Variants in ASTN1 observed in about 807,000 individuals in gnomAD.
ASTN1 encodes astrotactin-1.
ASTN1 carries 41 observed loss-of-function variants against 140.7 expected under a neutral mutation model. The ratio of observed to expected loss-of-function variants is 0.29; its 90% CI spans 0.23 to 0.38. ASTN1 has a LOEUF of 0.38. Among genes scored for constraint, ASTN1 ranks in the 10% least tolerant of loss-of-function variants. ASTN1 has a pLI of 1.00. For synonymous variants in ASTN1, 640 were observed against 652.2 expected (o/e 0.98, Z 0.29); for missense variants, 1,479 against 1,678.8 (o/e 0.88, Z 2.08).
At chr1:177,086,871 A>G (rs750442173) in intron 1 of ASTN1, among the ~76,000 whole-genome samples, 5 of 152,200 alleles carry the variant, frequency 3.3e-5, no homozygotes, top group Non-Finnish European at 4.4e-5. Flanking sequence ...TTTAATTTTG[A>G]GAATATACAT....
chr1:176,906,612 A>G (rs539720963), intron 16 of ASTN1, among the ~76,000 whole-genome samples: 1 of 152,112 alleles, frequency 6.6e-6, no homozygotes, highest in South Asian at 2.1e-4. Context: ...CTAGCACTTT[A>G]GGAGGCTGAG....
In ASTN1 at chr1:176,936,378, C is replaced by T. The variant is rs1671448524; in HGVS notation, c.2378-8G>A. 1.9e-6 allele frequency: 3 copies of T among 1,607,894 alleles called. No homozygotes were observed. Among genetic ancestry groups the T allele is most frequent in the Non-Finnish European group, 8.5e-7 (1 of 1,177,042 alleles). On this transcript the variant is annotated splice_region_variant and splice_polypyrimidine_tract_variant and intron_variant, in intron 14 of 22. Coordinates refer to ENST00000361833, the MANE Select transcript of ASTN1 (RefSeq NM_004319.3). The stretch of plus-strand genomic sequence containing the variant: ...CACTGAAGTTCACCATCCCTAAGGA[C>T]AGAAGAGATGTAAGCTGAGTTCTGA...
chr1:177,074,837 T>A (rs925799081), intron 1 of ASTN1, among the ~76,000 whole-genome samples: 8 of 152,246 alleles, frequency 5.3e-5, no homozygotes, highest in Admixed American at 2.0e-4. Flanking sequence ...AGAGGTAACA[T>A]GCTTGTTGAA....
chr1:177,036,832 T>G (rs1357844408), intron 2 of ASTN1, among the ~76,000 whole-genome samples: 1 of 152,140 alleles, frequency 6.6e-6, no homozygotes, highest in Non-Finnish European at 1.5e-5. Context: ...CTTTTTTTCT[T>G]TTTTTGAGAC....
chr1:177,164,640 A>G lies in ASTN1; in HGVS notation c.37T>C (p.Cys13Arg). The change falls in exon 1 of 23, where the codon TGC (cysteine) becomes CGC (arginine). Residue 13 changes from cysteine (C) to arginine (R), a missense_variant. Physicochemically the swap from Cys to Arg is radical, Grantham distance 180. This residue lies in a region of ASTN1 where 729 missense variants were observed against 860.4 expected (regional missense o/e 0.85). Transcript: ENST00000361833. ...LAGLCALLAC[C>R]WGPAAVLATA... ...GCCAGCACCGCCGCCGGCCCCCAGCAGCAGGCGAGCAGGGCGCAGAGCCCG... is the reference window on the plus strand; with the variant it reads ...GCCAGCACCGCCGCCGGCCCCCAGCGGCAGGCGAGCAGGGCGCAGAGCCCG... 6.2e-7 allele frequency: 1 copy of G among 1,602,828 alleles called. No homozygotes were observed. Among genetic ancestry groups the G allele is most frequent in the Non-Finnish European group, 8.5e-7 (1 of 1,174,600 alleles).
chr1:176,885,892 C>A (rs1669013537), intron 18 of ASTN1, among the ~76,000 whole-genome samples: 1 of 151,954 alleles, frequency 6.6e-6, no homozygotes, highest in Non-Finnish European at 1.5e-5. Flanking sequence ...AGGAATTCAA[C>A]TAGTGGGAAA....
At chr1:176,881,208 A>C (rs1235428566) in intron 20 of ASTN1, among the ~76,000 whole-genome samples, 6 of 152,146 alleles carry the variant, frequency 3.9e-5, no homozygotes, top group Non-Finnish European at 1.5e-5. Flanking sequence ...TTTCTTCCTT[A>C]GCCCCCTGCA....
intron 20 of ASTN1, among the ~76,000 whole-genome samples, chr1:176,878,937 G>T (rs1446137645): frequency 6.6e-6 from 1 of 152,194 alleles, no homozygotes; most frequent in African/African-American, 2.4e-5. Context: ...CAGAGGTCCT[G>T]ACACCAGGGC....
intron 2 of ASTN1, among the ~76,000 whole-genome samples, chr1:177,057,486 GT>G (rs1435160662): frequency 1.3e-5 from 2 of 152,096 alleles, no homozygotes; most frequent in Non-Finnish European, 2.9e-5. Flanking sequence ...GGATAAAAAA[GT>G]ATACATACAA....
At chr1:177,097,179 C>CT (rs1680067498) in intron 1 of ASTN1, among the ~76,000 whole-genome samples, 1 of 152,192 alleles carries the variant, frequency 6.6e-6, no homozygotes, top group East Asian at 1.9e-4. Context: ...CTCAACAACA[C>CT]TTTCATCATT....
At chr1:176,995,278 T>C (rs1674384833) in intron 8 of ASTN1, among the ~76,000 whole-genome samples, 1 of 152,222 alleles carries the variant, frequency 6.6e-6, no homozygotes, top group Admixed American at 6.5e-5. Flanking sequence ...AGTGAACAGA[T>C]GATTATAGTT....
Position 177,079,387 on chromosome 1 carries a change from T to C in ASTN1, c.284-18122A>G, listed in dbSNP as rs148152332. 3.3e-5 allele frequency among the ~76,000 whole-genome samples: 5 copies of C among 152,276 alleles called. No homozygotes were observed. In the East Asian group the frequency reaches 7.7e-4, roughly 24 times the overall value. Reference sequence around the variant, plus strand: ...AGCGGGGTCTCTTTCAGCCTGCACATCCCTTAATTATGAGAGTTATTACAA... The same window carrying C: ...AGCGGGGTCTCTTTCAGCCTGCACACCCCTTAATTATGAGAGTTATTACAA... On this transcript the variant is annotated intron_variant, in intron 1 of 22. Transcript: ENST00000361833.
chr1:176,957,879 G>A (rs1431879473), intron 10 of ASTN1, 51 bp from the exon 11 acceptor site: 4 of 1,572,444 alleles, frequency 2.5e-6, no homozygotes, highest in East Asian at 4.6e-5. Context: ...GATTCCAGAT[G>A]CAACAAGTGG....
At chr1:177,090,271 T>TC (rs1214698610) in intron 1 of ASTN1, among the ~76,000 whole-genome samples, 1 of 151,816 alleles carries the variant, frequency 6.6e-6, no homozygotes, top group Non-Finnish European at 1.5e-5. Flanking sequence ...ACTGTATTTC[T>TC]TACTGTCTGT....
intron 8 of ASTN1, among the ~76,000 whole-genome samples, chr1:176,971,309 A>T (rs1673130538): frequency 6.6e-6 from 1 of 152,198 alleles, no homozygotes; most frequent in Non-Finnish European, 1.5e-5. Context: ...AGATTATTAC[A>T]TGTCACTATC....
chr1:176,980,193 GA>G (rs1673549085), intron 8 of ASTN1, among the ~76,000 whole-genome samples: 1 of 152,226 alleles, frequency 6.6e-6, no homozygotes, highest in East Asian at 1.9e-4. Context: ...GCTGTGACAT[GA>G]GAACACATCC....
intron 17 of ASTN1, among the ~76,000 whole-genome samples, chr1:176,891,732 G>A (rs1669276856): frequency 6.6e-6 from 1 of 152,116 alleles, no homozygotes; most frequent in African/African-American, 2.4e-5. Flanking sequence ...AGAGGAGGTT[G>A]CAGTGAGCCA....
rs78818929 is a variant in ASTN1 at position 176,903,614 on chromosome 1, C to T, written c.2672-8784G>A. Among the ~76,000 whole-genome samples, 65 of 152,254 alleles carry T rather than the reference C, an allele frequency of 4.3e-4. 2 individuals are homozygous for T. In the East Asian group the frequency reaches 0.011, roughly 25 times the overall value. On this transcript the variant is annotated intron_variant, in intron 16 of 22. Coordinates refer to ENST00000361833, the MANE Select transcript of ASTN1 (RefSeq NM_004319.3). ...TGGCAATTTTAAGTGTACTTGATTCCGTTTTTTCATTTGCCTCCTACACTC... is the reference window on the plus strand; with the variant it reads ...TGGCAATTTTAAGTGTACTTGATTCTGTTTTTTCATTTGCCTCCTACACTC...
At chr1:177,143,391 G>T (rs760125397) in intron 1 of ASTN1, among the ~76,000 whole-genome samples, 3 of 152,130 alleles carry the variant, frequency 2.0e-5, no homozygotes, top group Non-Finnish European at 4.4e-5. Flanking sequence ...ATGGCCACGC[G>T]CAGGGACTTT....
Sources: allele counts gnomAD v4.1 joint callset (sites outside exome capture counted in the v4.1 genomes callset), GRCh38; gene constraint gnomAD v4.1.1; regional missense constraint gnomAD v4.1.1; transcripts MANE v1.5; gene names NCBI Gene and HGNC (gene_info 2026-07-23, HGNC 2026-07-21).